Variants in LYPLAL1 observed in about 807,000 individuals in gnomAD.
LYPLAL1 encodes the protein lysophospholipase like 1, also known as lysophospholipase-like protein 1.
A neutral mutation model predicts 19.7 loss-of-function variants in LYPLAL1; 23 were observed. That is an observed-to-expected ratio of 1.17 (90% CI 0.84 to 1.65). The LOEUF (loss-of-function observed/expected upper bound fraction) is 1.65. Among genes scored for constraint, LYPLAL1 ranks in the 40% most tolerant of loss-of-function variants. The probability of loss-of-function intolerance (pLI) is 0.00; values close to 1 mark genes in which losing one functional copy is unlikely to be tolerated. For missense variants in LYPLAL1, 355 were observed against 279.4 expected (o/e 1.27, Z -1.93); for synonymous variants, 119 against 96.3 (o/e 1.24, Z -1.38).
At chr1:219,204,922 T>A (rs184175742) in intron 3 of LYPLAL1, among the ~76,000 whole-genome samples, 27 of 152,274 alleles carry the variant, frequency 1.8e-4, no homozygotes, top group African/African-American at 6.3e-4. Context: ...ATCAGAATTT[T>A]GATAATATAA....
chr1:219,285,054 A>G, the LYPLAL1 span, among the ~76,000 whole-genome samples: 22 of 152,368 alleles, frequency 1.4e-4, no homozygotes, highest in African/African-American at 5.3e-4. Flanking sequence ...GAAGGCAAGC[A>G]AGACTAAAAT....
At chr1:219,389,063 A>T in the LYPLAL1 span, among the ~76,000 whole-genome samples, 5 of 152,190 alleles carry the variant, frequency 3.3e-5, no homozygotes, top group Admixed American at 3.3e-4. Flanking sequence ...CATAAATCTG[A>T]TTTTAAATGC....
the LYPLAL1 span, among the ~76,000 whole-genome samples, chr1:219,321,439 A>G: frequency 6.6e-6 from 1 of 152,076 alleles, no homozygotes; most frequent in Non-Finnish European, 1.5e-5. Context: ...GAAGCTCTTT[A>G]GTTTAATTAG....
At chr1:219,195,560 CCT>C (rs1353433711) in intron 3 of LYPLAL1, among the ~76,000 whole-genome samples, 1 of 152,070 alleles carries the variant, frequency 6.6e-6, no homozygotes, top group African/African-American at 2.4e-5. Flanking sequence ...CTTGCCCCAT[CCT>C]CTCTCTTCCT....
the LYPLAL1 span, among the ~76,000 whole-genome samples, chr1:219,252,835 T>C: frequency 6.6e-6 from 1 of 152,098 alleles, no homozygotes; most frequent in Admixed American, 6.6e-5. Context: ...TTCCAGTTTT[T>C]TGGAACGGTT....
chr1:219,335,133 G>A, the LYPLAL1 span, among the ~76,000 whole-genome samples: 3 of 151,890 alleles, frequency 2.0e-5, no homozygotes, highest in East Asian at 3.9e-4. Flanking sequence ...ATAGAGAACT[G>A]AGCAGAAGAA....
chr1:219,240,790 C>G, the LYPLAL1 span, among the ~76,000 whole-genome samples: 1 of 151,944 alleles, frequency 6.6e-6, no homozygotes, highest in Non-Finnish European at 1.5e-5. Context: ...GTGTAAGAGA[C>G]TGCCTAAATT....
chr1:219,205,363 C>CAAAAAA (rs66877413), intron 3 of LYPLAL1, among the ~76,000 whole-genome samples: 2 of 128,484 alleles, frequency 1.6e-5, no homozygotes, highest in African/African-American at 3.0e-5. Flanking sequence ...GACTCCGTCT[C>CAAAAAA]AAAAAAAAAA....
At chr1:219,186,944 A>G (rs1040660818) in intron 2 of LYPLAL1, among the ~76,000 whole-genome samples, 1 of 151,462 alleles carries the variant, frequency 6.6e-6, no homozygotes, top group Non-Finnish European at 1.5e-5. Context: ...TTCGTTTTTT[A>G]ATACACCATT....
the LYPLAL1 span, among the ~76,000 whole-genome samples, chr1:219,443,186 G>A: frequency 6.6e-6 from 1 of 152,068 alleles, no homozygotes; most frequent in African/African-American, 2.4e-5. Context: ...TGTGGATGAG[G>A]TATTTTGCAG....
At chr1:219,412,222 C>T in the LYPLAL1 span, among the ~76,000 whole-genome samples, 1 of 152,082 alleles carries the variant, frequency 6.6e-6, no homozygotes, top group Non-Finnish European at 1.5e-5. Context: ...GAGACTCAAT[C>T]TCACTGTGTT....
chr1:219,240,394 G>C, the LYPLAL1 span, among the ~76,000 whole-genome samples: 1 of 152,082 alleles, frequency 6.6e-6, no homozygotes. Flanking sequence ...TATAATTTTG[G>C]AAGATTTTCT....
the LYPLAL1 span, among the ~76,000 whole-genome samples, chr1:219,411,545 A>T: frequency 6.6e-6 from 1 of 152,156 alleles, no homozygotes; most frequent in East Asian, 1.9e-4. Context: ...ACCAATCAGC[A>T]GGATGTGGGT....
At chr1:219,324,266 T>A in the LYPLAL1 span, among the ~76,000 whole-genome samples, 1 of 152,216 alleles carries the variant, frequency 6.6e-6, no homozygotes, top group Admixed American at 6.5e-5. Context: ...TTCATTCTTT[T>A]TGGAGGGATA....
chr1:219,310,265 A>G, the LYPLAL1 span, among the ~76,000 whole-genome samples: 3 of 152,298 alleles, frequency 2.0e-5, no homozygotes, highest in African/African-American at 7.2e-5. Context: ...GTACCTATTT[A>G]TGGGGGTGAT....
the LYPLAL1 span, among the ~76,000 whole-genome samples, chr1:219,435,774 C>T: frequency 6.6e-6 from 1 of 151,246 alleles, no homozygotes; most frequent in African/African-American, 2.4e-5. Context: ...TGCAGTGAGC[C>T]GAGACCACAC....
At chr1:219,269,283 A>G in the LYPLAL1 span, among the ~76,000 whole-genome samples, 34,639 of 152,152 alleles carry the variant, frequency 0.23, 4,209 homozygotes, top group African/African-American at 0.29. Flanking sequence ...TATGTAGTAT[A>G]TATTTTGAAC....
intron 3 of LYPLAL1, among the ~76,000 whole-genome samples, chr1:219,207,669 A>T (rs941203170): frequency 2.6e-5 from 4 of 152,072 alleles, no homozygotes; most frequent in African/African-American, 9.6e-5. Flanking sequence ...AGCTCCCATC[A>T]TTAAATTCTA....
chr1:219,324,715 G>A, the LYPLAL1 span, among the ~76,000 whole-genome samples: 2 of 152,202 alleles, frequency 1.3e-5, no homozygotes, highest in African/African-American at 4.8e-5. Context: ...TAGTGTGTGT[G>A]TATGTGTGTG....
Sources: allele counts gnomAD v4.1 joint callset (sites outside exome capture counted in the v4.1 genomes callset), GRCh38; gene constraint gnomAD v4.1.1; transcripts MANE v1.5; gene names NCBI Gene and HGNC (gene_info 2026-07-23, HGNC 2026-07-21).